DAB1: variants seen among roughly 807,000 people sequenced by gnomAD.
DAB1 encodes the protein disabled homolog 1.
In DAB1, 15 loss-of-function variants were observed where a neutral mutation model predicts 64.6. That is an observed-to-expected ratio of 0.23 (90% confidence interval 0.16 to 0.36). The LOEUF is 0.36. Among genes scored for constraint, DAB1 ranks in the 10% least tolerant of loss-of-function variants. The pLI is 1.00. For missense variants in DAB1, 596 were observed against 706.7 expected (o/e 0.84, Z 1.78); for synonymous variants, 235 against 251.9 (o/e 0.93, Z 0.64).
intron 5 of DAB1, among the ~76,000 whole-genome samples, chr1:58,073,974 T>C (rs2764682): frequency 0.56 from 84,605 of 151,938 alleles, 24,160 homozygotes; most frequent in Middle Eastern, 0.65. Flanking sequence ...CCACGAAAAG[T>C]AGATCAAAAG....
chr1:58,166,898 A>C (rs1462467673), intron 4 of DAB1, among the ~76,000 whole-genome samples: 1 of 151,020 alleles, frequency 6.6e-6, no homozygotes, highest in African/African-American at 2.4e-5. Flanking sequence ...GTTGTGCACC[A>C]CCATGGGCTG....
intron 14 of DAB1, among the ~76,000 whole-genome samples, chr1:57,007,448 GTTCTT>G (rs1350315763): frequency 3.9e-5 from 6 of 152,154 alleles, no homozygotes; most frequent in Non-Finnish European, 8.8e-5. Flanking sequence ...TATTATTTTG[GTTCTT>G]TTTTGCCCTT....
At chr1:58,246,594 T>C (rs1660544246) in intron 4 of DAB1, among the ~76,000 whole-genome samples, 1 of 152,220 alleles carries the variant, frequency 6.6e-6, no homozygotes, top group Non-Finnish European at 1.5e-5. Context: ...GATGTGAGTG[T>C]GTGTGAGGCT....
At chr1:57,653,134 A>G (rs932181951) in intron 6 of DAB1, among the ~76,000 whole-genome samples, 9 of 152,206 alleles carry the variant, frequency 5.9e-5, no homozygotes, top group African/African-American at 2.2e-4. Flanking sequence ...AGATATTATC[A>G]TTCTGTCATA....
At chr1:58,503,384 G>T (rs1437461962) in intron 3 of DAB1, among the ~76,000 whole-genome samples, 1 of 151,960 alleles carries the variant, frequency 6.6e-6, no homozygotes, top group African/African-American at 2.4e-5. Context: ...CCTTTTAAGA[G>T]GAATAATTAC....
At chr1:57,759,929 G>T (rs868226232) in intron 6 of DAB1, among the ~76,000 whole-genome samples, 2 of 152,124 alleles carry the variant, frequency 1.3e-5, no homozygotes, top group African/African-American at 4.8e-5. Context: ...CAAGAGCAAC[G>T]CATTGGAACG....
In DAB1 at chr1:57,537,972, C is replaced by A. The variant is rs187871037; in HGVS notation, n.625+111620G>T. 3.0e-4 allele frequency among the ~76,000 whole-genome samples: 45 copies of A among 152,124 alleles called. No homozygotes were observed. The East Asian group carries it at 7.8e-3, about 26-fold the overall frequency. On this transcript the variant is annotated intron_variant and non_coding_transcript_variant, in intron 7 of 20. Transcript: ENST00000485760. ...GGCATGCAAGGCTTTTTTTAACAAC[C>A]AGCTCTCATTGGAACTAAGAGTGAG...
intron 6 of DAB1, among the ~76,000 whole-genome samples, chr1:57,747,625 C>T (rs185643450): frequency 1.3e-5 from 2 of 151,758 alleles, no homozygotes; most frequent in East Asian, 2.0e-4. Context: ...CTGGCTAACA[C>T]AGTGAAACCC....
chr1:58,495,252 C>T (rs1376917319), intron 3 of DAB1, among the ~76,000 whole-genome samples: 1 of 152,112 alleles, frequency 6.6e-6, no homozygotes, highest in Non-Finnish European at 1.5e-5. Context: ...GGGAACATCA[C>T]ACACAGGGGT....
intron 2 of DAB1, among the ~76,000 whole-genome samples, chr1:57,151,683 A>C (rs1659679594): frequency 6.6e-6 from 1 of 151,880 alleles, no homozygotes; most frequent in Admixed American, 6.5e-5. Context: ...TAATCTCTTA[A>C]ATATTTTTAA....
chr1:57,965,181 G>A (rs1297249517), intron 5 of DAB1, among the ~76,000 whole-genome samples: 1 of 150,524 alleles, frequency 6.6e-6, no homozygotes, highest in Non-Finnish European at 1.5e-5. Context: ...GAAAGACAAA[G>A]TCAGATCGTA....
intron 6 of DAB1, among the ~76,000 whole-genome samples, chr1:57,799,305 C>T (rs912005930): frequency 2.6e-5 from 4 of 152,160 alleles, no homozygotes; most frequent in African/African-American, 9.7e-5. Flanking sequence ...AAAAGCTGGG[C>T]TGCTGTTAGA....
intron 6 of DAB1, among the ~76,000 whole-genome samples, chr1:57,685,352 C>G (rs1404815671): frequency 6.6e-6 from 1 of 151,888 alleles, no homozygotes; most frequent in East Asian, 1.9e-4. Flanking sequence ...CAATTTAACA[C>G]AAAGACTTAA....
intron 7 of DAB1, among the ~76,000 whole-genome samples, chr1:57,599,025 G>A (rs1346821839): frequency 1.3e-5 from 2 of 151,220 alleles, no homozygotes; most frequent in African/African-American, 4.9e-5. Context: ...GTCCCTCCAG[G>A]CATGTTTTTA....
At chr1:58,303,702 G>T (rs553575476) in intron 4 of DAB1, among the ~76,000 whole-genome samples, 2 of 152,274 alleles carry the variant, frequency 1.3e-5, no homozygotes, top group South Asian at 4.1e-4. Flanking sequence ...TAGCTTATAA[G>T]GAGAAGAGGA....
chr1:58,368,685 T>G (rs1569692186), intron 3 of DAB1, among the ~76,000 whole-genome samples: 1 of 152,240 alleles, frequency 6.6e-6, no homozygotes, highest in Non-Finnish European at 1.5e-5. Flanking sequence ...GCATACGGTG[T>G]CAGCATCCTC....
chr1:58,468,204 C>T (rs338243), intron 3 of DAB1: 134,180 of 152,318 alleles, frequency 0.88, 59,916 homozygotes, highest in African/African-American at 0.98. Flanking sequence ...ATTACAGGCG[C>T]GAGCCACCGC....
intron 3 of DAB1, among the ~76,000 whole-genome samples, chr1:58,446,657 T>C (rs1645070956): frequency 6.6e-6 from 1 of 152,244 alleles, no homozygotes; most frequent in Admixed American, 6.5e-5. Flanking sequence ...TGAGAAATGC[T>C]GGACTAGATA....
At chr1:58,352,952 C>T (rs78642112) in intron 3 of DAB1, among the ~76,000 whole-genome samples, 12,408 of 152,148 alleles carry the variant, frequency 0.082, 683 homozygotes, top group South Asian at 0.13. Context: ...ACTTCTCAAT[C>T]TCCAGAACTG....
Sources: allele counts gnomAD v4.1 joint callset (sites outside exome capture counted in the v4.1 genomes callset), GRCh38; gene constraint gnomAD v4.1.1; transcripts MANE v1.5; gene names NCBI Gene and HGNC (gene_info 2026-07-23, HGNC 2026-07-21).